Variants in KIAA1549L observed in about 807,000 individuals in gnomAD.
KIAA1549L encodes the protein UPF0606 protein KIAA1549L.
A neutral mutation model predicts 160.7 loss-of-function variants in KIAA1549L; 88 were observed. The ratio of observed to expected loss-of-function variants is 0.55; its 90% CI spans 0.46 to 0.65. The LOEUF is 0.65. Ranked by LOEUF, KIAA1549L falls within the 30% of genes least tolerant of loss-of-function variation. The probability of loss-of-function intolerance (pLI) is 0.00; values close to 1 mark genes in which losing one functional copy is unlikely to be tolerated. For synonymous variants in KIAA1549L, 950 were observed against 976.7 expected (o/e 0.97, Z 0.51); for missense variants, 2,258 against 2,437.5 (o/e 0.93, Z 1.55).
chr11:33,565,565 A>C (rs989076550), intron 8 of KIAA1549L, among the ~76,000 whole-genome samples: 1 of 152,318 alleles, frequency 6.6e-6, no homozygotes, highest in African/African-American at 2.4e-5. Flanking sequence ...CCCTGCCCCC[A>C]AATCCAGCTC....
intron 9 of KIAA1549L, among the ~76,000 whole-genome samples, chr11:33,571,978 AAACG>A (rs1855273131): frequency 6.6e-6 from 1 of 152,218 alleles, no homozygotes. Context: ...TTCCAAGTTT[AAACG>A]TCAAAAAGCC....
chr11:33,559,641 A>G, intron 6 of KIAA1549L, 108 bp from the exon 7 acceptor site: 1 of 820,852 alleles, frequency 1.2e-6, no homozygotes. Context: ...ACCCCCTTTC[A>G]TTCCTTCCCT....
At chr11:33,618,315 A>G (rs1409208190) in intron 15 of KIAA1549L, among the ~76,000 whole-genome samples, 1 of 152,170 alleles carries the variant, frequency 6.6e-6, no homozygotes, top group African/African-American at 2.4e-5. Context: ...ATGAAAGAAC[A>G]CTTAACAATT....
In KIAA1549L at chr11:33,542,827, C is replaced by A; in HGVS notation, c.1264C>A (p.Gln422Lys). The change falls in exon 2 of 21, where the codon CAG becomes AAG. Residue 422 changes from glutamine (Q) to lysine (K), a missense_variant. By Grantham distance (53) the Gln-to-Lys change is moderately conservative. This residue lies in a region of KIAA1549L where 540 missense variants were observed against 465.7 expected (regional missense o/e 1.16). Transcript: ENST00000658780. The part of the protein sequence containing the change: ...ATHEAEPPLF[Q>K]TAESGAIEMT... ...CCATGAGGCTGAGCCTCCACTTTTC[C>A]AGACTGCAGAATCAGGGGCCATAGA... 1 of 1,613,872 alleles carries A rather than the reference C, an allele frequency of 6.2e-7. No individual in the cohort carries two copies. Among genetic ancestry groups the A allele is most frequent in the South Asian group, 1.1e-5 (1 of 91,070 alleles).
Position 33,673,157 on chromosome 11 carries a change from A to G in KIAA1549L, c.*5003A>G, listed in dbSNP as rs1248385065. 6.6e-6 allele frequency: 1 copy of G among 152,154 alleles called. No homozygotes were observed. The allele number at this position is 152,154 out of a possible 1,614,324, so 9.4% of individuals were successfully genotyped here. A position where few individuals can be genotyped will look rare whatever the true frequency, so the allele number is the denominator to read the frequency against. On this transcript the variant is annotated 3_prime_UTR_variant, in exon 21 of 21. Transcript: ENST00000658780. ...TGTGCCACACACACATTACTTTAGA[A>G]GATATGCAGTTGCTCTGATTCTGCA...
chr11:33,601,029 TTATTC>T (rs1237265446), intron 13 of KIAA1549L, among the ~76,000 whole-genome samples: 9 of 152,080 alleles, frequency 5.9e-5, no homozygotes, highest in Admixed American at 3.3e-4. Flanking sequence ...TCCTGCCTCT[TTATTC>T]TATTTAGGTC....
At chr11:33,640,288 T>A (rs1213442732) in intron 16 of KIAA1549L, among the ~76,000 whole-genome samples, 1 of 152,220 alleles carries the variant, frequency 6.6e-6, no homozygotes, top group Non-Finnish European at 1.5e-5. Flanking sequence ...ACTCCTTTAC[T>A]TATATTTTTA....
At chr11:33,411,321 A>G (rs1850780588) in intron 1 of KIAA1549L, among the ~76,000 whole-genome samples, 1 of 152,012 alleles carries the variant, frequency 6.6e-6, no homozygotes, top group Non-Finnish European at 1.5e-5. Context: ...TGCACATGAG[A>G]CCCACTTGGA....
At chr11:33,649,876 AGG>A (rs1457227495) in intron 17 of KIAA1549L, among the ~76,000 whole-genome samples, 6 of 150,764 alleles carry the variant, frequency 4.0e-5, no homozygotes, top group African/African-American at 1.5e-4. Flanking sequence ...AAAAAAAAAA[AGG>A]AAAGAAAGAA....
At chr11:33,649,342 G>GAAA (rs375655355) in intron 17 of KIAA1549L, among the ~76,000 whole-genome samples, 1,838 of 122,350 alleles carry the variant, frequency 0.015, 22 homozygotes, top group African/African-American at 0.037. Context: ...TCTCTACGGG[G>GAAA]GAAAAAAAAA....
At chr11:33,487,077 A>G (rs1346372529) in intron 1 of KIAA1549L, among the ~76,000 whole-genome samples, 1 of 152,062 alleles carries the variant, frequency 6.6e-6, no homozygotes, top group Admixed American at 6.5e-5. Flanking sequence ...GCATTTTTCC[A>G]CTCTGCCTCG....
At chr11:33,581,688 C>A (rs1014177127) in intron 10 of KIAA1549L, among the ~76,000 whole-genome samples, 1 of 152,192 alleles carries the variant, frequency 6.6e-6, no homozygotes, top group African/African-American at 2.4e-5. Flanking sequence ...AATAACCCTT[C>A]ATTCCTTTTC....
intron 1 of KIAA1549L, among the ~76,000 whole-genome samples, chr11:33,539,385 A>T (rs989562238): frequency 6.6e-6 from 1 of 152,214 alleles, no homozygotes; most frequent in Non-Finnish European, 1.5e-5. Flanking sequence ...ATAAATTCCA[A>T]ATCTACTCTG....
At chr11:33,402,768 T>C (rs768149589) in intron 1 of KIAA1549L, among the ~76,000 whole-genome samples, 6 of 152,200 alleles carry the variant, frequency 3.9e-5, no homozygotes, top group Non-Finnish European at 8.8e-5. Context: ...TTGCCCCTTA[T>C]GTGGGGTGCA....
chr11:33,406,417 G>T (rs763058070), intron 1 of KIAA1549L, among the ~76,000 whole-genome samples: 1 of 152,234 alleles, frequency 6.6e-6, no homozygotes, highest in African/African-American at 2.4e-5. Context: ...ATGTGCAGGG[G>T]AGGGGCCGCT....
chr11:33,443,412 G>T (rs1851549166), intron 1 of KIAA1549L, among the ~76,000 whole-genome samples: 1 of 152,116 alleles, frequency 6.6e-6, no homozygotes. Context: ...CTCCAGAGAG[G>T]ACACATTTGA....
chr11:33,461,865 A>G (rs1400352345), intron 1 of KIAA1549L, among the ~76,000 whole-genome samples: 1 of 152,220 alleles, frequency 6.6e-6, no homozygotes, highest in Non-Finnish European at 1.5e-5. Context: ...AGTGAGGATT[A>G]GAGCTGGTTT....
intron 1 of KIAA1549L, among the ~76,000 whole-genome samples, chr11:33,418,459 C>T (rs1289314258): frequency 3.3e-5 from 5 of 152,156 alleles, no homozygotes; most frequent in African/African-American, 4.8e-5. Flanking sequence ...AAAGTTTAAT[C>T]GCCTTTGGGG....
chr11:33,402,578 C>T (rs181914098), intron 1 of KIAA1549L, among the ~76,000 whole-genome samples: 4 of 152,292 alleles, frequency 2.6e-5, no homozygotes, highest in Non-Finnish European at 5.9e-5. Context: ...TGTATTCTTT[C>T]CTTACAGTGT....
Sources: allele counts gnomAD v4.1 joint callset (sites outside exome capture counted in the v4.1 genomes callset), GRCh38; gene constraint gnomAD v4.1.1; regional missense constraint gnomAD v4.1.1; transcripts MANE v1.5; gene names NCBI Gene and HGNC (gene_info 2026-07-23, HGNC 2026-07-21).